The following STAU2 variants were observed in gnomAD, a reference collection of about 807,000 sequenced individuals.
The protein encoded by STAU2 is double-stranded RNA-binding protein Staufen homolog 2.
STAU2 carries 20 observed loss-of-function variants against 65.9 expected under a neutral mutation model. The observed-to-expected ratio is 0.30, with a 90% CI of 0.21 to 0.44. The LOEUF (loss-of-function observed/expected upper bound fraction) is 0.44. STAU2 is among the 20% of genes least tolerant of loss of function. STAU2 has a pLI of 1.00. For missense variants in STAU2, 558 were observed against 683.9 expected (o/e 0.82, Z 2.05); for synonymous variants, 232 against 233.9 (o/e 0.99, Z 0.07).
At chr8:73,602,721 G>A (rs1268369009) in intron 10 of STAU2, among the ~76,000 whole-genome samples, 1 of 135,560 alleles carries the variant, frequency 7.4e-6, no homozygotes, top group Non-Finnish European at 1.6e-5. Context: ...AGACCCTGTT[G>A]CCCCACCAAA....
intron 3 of STAU2, among the ~76,000 whole-genome samples, chr8:73,719,892 C>G (rs1586345613): frequency 6.6e-6 from 1 of 152,010 alleles, no homozygotes; most frequent in East Asian, 1.9e-4. Flanking sequence ...TTATTTTTTC[C>G]TTAACTTGTA....
intron 13 of STAU2, among the ~76,000 whole-genome samples, chr8:73,456,377 T>A (rs1490993736): frequency 6.6e-6 from 1 of 152,212 alleles, no homozygotes; most frequent in Admixed American, 6.5e-5. Flanking sequence ...TTCCATTACA[T>A]GGAGAAAGAA....
chr8:73,545,663 TTTGAGACAGAGTCTCACACTG>T (rs1446945709), intron 13 of STAU2, among the ~76,000 whole-genome samples: 1 of 151,824 alleles, frequency 6.6e-6, no homozygotes, highest in South Asian at 2.1e-4. Context: ...ATATATATTT[TTTGAGACAGAGTCTCACACTG>T]TCGCCCAGGC....
At chr8:73,513,172 T>C (rs543547751) in intron 13 of STAU2, among the ~76,000 whole-genome samples, 7 of 152,360 alleles carry the variant, frequency 4.6e-5, no homozygotes, top group Admixed American at 1.3e-4. Context: ...GGGATTGTTG[T>C]TCTTGCTGTG....
chr8:73,654,432 G>GT (rs1367606437), intron 6 of STAU2, among the ~76,000 whole-genome samples: 10 of 151,676 alleles, frequency 6.6e-5, no homozygotes, highest in Admixed American at 3.9e-4. Context: ...CGGGAGGATT[G>GT]TTTGAGCCCA....
At chr8:73,736,650 G>A (rs1482567765) in intron 3 of STAU2, among the ~76,000 whole-genome samples, 1 of 152,124 alleles carries the variant, frequency 6.6e-6, no homozygotes, top group Non-Finnish European at 1.5e-5. Flanking sequence ...CTGAAGCACT[G>A]AGATTATTTC....
chr8:73,536,893 A>G (rs1049575533), intron 13 of STAU2, among the ~76,000 whole-genome samples: 1 of 152,222 alleles, frequency 6.6e-6, no homozygotes, highest in African/African-American at 2.4e-5. Context: ...AATTCAGTAG[A>G]AAATCACCCT....
chr8:73,571,085 G>A (rs2128955736), intron 12 of STAU2, among the ~76,000 whole-genome samples: 1 of 152,176 alleles, frequency 6.6e-6, no homozygotes, highest in East Asian at 1.9e-4. Context: ...AAAAAAGCAG[G>A]GGTTGCAATC....
At position 73,500,873 on chromosome 8, in the gene STAU2, C is replaced by T. The variant is rs145676994; in HGVS notation, c.1530+51139G>A. ...GGAATTTGCACAATTTTCTCACATT[C>T]TGCTAAACAAGGAGATGAATGGTTA... On this transcript the variant is annotated intron_variant, in intron 13 of 14. Coordinates refer to ENST00000524300, the MANE Select transcript of STAU2 (RefSeq NM_001164380.2). Among the ~76,000 whole-genome samples the T allele has an allele frequency of 7.2e-5, 11 of 151,954 alleles. No individual in the cohort carries two copies. The East Asian group carries it at 2.1e-3, about 29-fold the overall frequency.
intron 13 of STAU2, among the ~76,000 whole-genome samples, chr8:73,476,406 C>T (rs1820329278): frequency 6.6e-6 from 1 of 152,168 alleles, no homozygotes; most frequent in Admixed American, 6.5e-5. Context: ...TTACCCATGT[C>T]CATTCTGTTT....
intron 13 of STAU2, among the ~76,000 whole-genome samples, chr8:73,482,422 A>G (rs925943810): frequency 1.1e-4 from 17 of 152,228 alleles, no homozygotes; most frequent in African/African-American, 4.1e-4. Context: ...ATTTTCAGGT[A>G]TCTCTAGGTA....
intron 13 of STAU2, chr8:73,549,620 T>C (rs373629781): frequency 1.0e-6 from 1 of 983,846 alleles, no homozygotes. Flanking sequence ...AATACACTCA[T>C]ATATTTTTAC....
intron 6 of STAU2, chr8:73,651,729 G>T: frequency 2.3e-6 from 1 of 437,640 alleles, no homozygotes; most frequent in South Asian, 2.1e-5. Flanking sequence ...CATACGCTGG[G>T]ACCAGCCCTG....
At chr8:73,525,397 T>C (rs1461193347) in intron 13 of STAU2, among the ~76,000 whole-genome samples, 1 of 152,186 alleles carries the variant, frequency 6.6e-6, no homozygotes, top group Non-Finnish European at 1.5e-5. Flanking sequence ...AAATTTTCTG[T>C]CAGATGGCAG....
intron 12 of STAU2, among the ~76,000 whole-genome samples, chr8:73,577,224 C>G (rs912253852): frequency 2.2e-4 from 34 of 152,000 alleles, no homozygotes; most frequent in East Asian, 1.4e-3. Flanking sequence ...GTCAGGAGAT[C>G]GAGACCATCC....
chr8:73,514,245 C>T (rs138946635), intron 13 of STAU2, among the ~76,000 whole-genome samples: 9 of 152,256 alleles, frequency 5.9e-5, no homozygotes, highest in Middle Eastern at 3.4e-3. Flanking sequence ...CAGAGTCACA[C>T]CCATCAAGGT....
intron 6 of STAU2, among the ~76,000 whole-genome samples, chr8:73,631,275 G>C (rs1814071764): frequency 6.6e-6 from 1 of 151,876 alleles, no homozygotes. Flanking sequence ...CATTGCTTGA[G>C]CCCAGGAATT....
intron 1 of STAU2, among the ~76,000 whole-genome samples, chr8:73,741,120 A>T (rs2130786874): frequency 6.7e-6 from 1 of 150,362 alleles, no homozygotes. Context: ...CCTGGCTAAC[A>T]CAGTGAAACC....
chr8:73,715,775 T>C (rs1821208946), intron 3 of STAU2, among the ~76,000 whole-genome samples: 1 of 152,138 alleles, frequency 6.6e-6, no homozygotes, highest in Non-Finnish European at 1.5e-5. Context: ...AATATTATTA[T>C]TTACCAAAAA....
Sources: allele counts gnomAD v4.1 joint callset (sites outside exome capture counted in the v4.1 genomes callset), GRCh38; gene constraint gnomAD v4.1.1; transcripts MANE v1.5; gene names NCBI Gene and HGNC (gene_info 2026-07-23, HGNC 2026-07-21).